Variants in LZTS2 observed in about 807,000 individuals in gnomAD.
LZTS2 encodes leucine zipper tumor suppressor 2, also known as leucine zipper putative tumor suppressor 2.
A neutral mutation model predicts 60.6 loss-of-function variants in LZTS2; 32 were observed. The ratio of observed to expected loss-of-function variants is 0.53; its 90% CI spans 0.40 to 0.71. LZTS2 has a LOEUF of 0.71. LZTS2 is among the 30% of genes least tolerant of loss of function. The probability of loss-of-function intolerance (pLI) is 0.00; values close to 1 mark genes in which losing one functional copy is unlikely to be tolerated. For missense variants in LZTS2, 792 were observed against 901.9 expected, an observed-to-expected ratio of 0.88 and a Z score of 1.56; for synonymous variants, 360 against 393.1, an observed-to-expected ratio of 0.92 and a Z score of 1.00.
At chr10:101,003,742 G>T in exon 2 of LZTS2, 1 of 1,613,010 alleles carries the variant, frequency 6.2e-7, no homozygotes, top group South Asian at 1.1e-5. Context: ...TGCCCATCAG[G>T]GACGCTATCC....
exon 2 of LZTS2, chr10:101,003,771 C>T (rs138176599): frequency 7.4e-6 from 12 of 1,613,024 alleles, no homozygotes; most frequent in Non-Finnish European, 8.5e-6. Flanking sequence ...CCGAAACTCA[C>T]TGTCCAGCCT....
intron 3 of LZTS2, 138 bp downstream of exon 4, chr10:101,005,853 T>C: frequency 8.4e-7 from 1 of 1,193,846 alleles, no homozygotes; most frequent in Non-Finnish European, 1.1e-6. Context: ...GAGGTTCCCC[T>C]CTGTCCCTTT....
chr10:101,005,695 C>T (rs1852162151), exon 3 of LZTS2: 1 of 1,587,440 alleles, frequency 6.3e-7, no homozygotes, highest in Non-Finnish European at 8.6e-7. Context: ...CGGGCCGAGG[C>T]TTGAGGAGAC....
upstream of LZTS2, chr10:100,997,303 T>TC (rs1468905560): frequency 6.6e-6 from 1 of 152,122 alleles, no homozygotes; most frequent in African/African-American, 2.4e-5. Context: ...GAACGAACTT[T>TC]CCGCTTCTAG....
chr10:101,006,651 C>A, exon 4 of LZTS2: 1 of 1,586,456 alleles, frequency 6.3e-7, no homozygotes, highest in Admixed American at 1.8e-5. Context: ...CTACAGGAGG[C>A]CGCCCGAGCT....
upstream of LZTS2, among the ~76,000 whole-genome samples, chr10:100,996,894 C>G (rs1248190441): frequency 2.0e-5 from 3 of 152,224 alleles, no homozygotes; most frequent in Non-Finnish European, 4.4e-5. Context: ...GCCCCCTTCC[C>G]CAGGTCAAAA....
intron 2 of LZTS2, 130 bp downstream of exon 3, chr10:101,004,296 C>T (rs1409057465): frequency 2.0e-6 from 2 of 991,704 alleles, no homozygotes; most frequent in East Asian, 5.4e-5. Flanking sequence ...CTGCCCTCCC[C>T]ACCAGTTGTC....
rs755121889 is a variant in LZTS2 at position 101,003,728 on chromosome 10, T to C, written c.630T>C (p.Ser210=). 1.4e-5 allele frequency: 22 copies of C among 1,612,804 alleles called. No individual in the cohort carries two copies. The Admixed American group carries it at 3.7e-4, about 27-fold the overall frequency. Residue 210 remains serine (S), a synonymous_variant, in exon 2 of 4, where the codon AGT becomes AGC. Transcript: ENST00000370220. ...CCCTGGCATTTAGTGGCTGGGCCAG[T>C]GGCTGCCCATCAGGGACGCTATCCG...
At chr10:101,005,370 G>C in intron 2 of LZTS2, 88 bp from the exon 4 acceptor site, 3 of 1,419,768 alleles carry the variant, frequency 2.1e-6, no homozygotes, top group Non-Finnish European at 2.8e-6. Flanking sequence ...CACCCTTCCT[G>C]AGCCCTCGGA....
chr10:101,006,434 C>A (rs1354173053), intron 3 of LZTS2, 51 bp from the exon 5 acceptor site: 1 of 1,551,002 alleles, frequency 6.4e-7, no homozygotes, highest in Admixed American at 1.9e-5. Flanking sequence ...AGGGCCTGTC[C>A]CCCCAGGAGA....
At chr10:101,003,122 G>A in intron 1 of LZTS2, 176 bp downstream of exon 2, 1 of 793,748 alleles carries the variant, frequency 1.3e-6, no homozygotes, top group Non-Finnish European at 1.9e-6. Context: ...CACTTAACCT[G>A]AGCCTCAGTT....
rs1454463107 is a variant in LZTS2, at chr10:101,004,920, A to G, written c.1069-538A>G. Among the ~76,000 whole-genome samples, 12 of 152,276 alleles carry G rather than the reference A, an allele frequency of 7.9e-5. No homozygotes were observed. The East Asian group carries it at 1.5e-3, about 20-fold the overall frequency. On this transcript the variant is annotated intron_variant, in intron 2 of 3. Coordinates refer to ENST00000370220, the Ensembl canonical transcript of LZTS2. ...ACCATGTTGGCCAAGCTGGTCGCGA[A>G]CCCCTGGCCTCAAGTGATTCACCTG... is the stretch of plus-strand genomic sequence containing the variant.
At chr10:101,007,396 C>T (rs1451284012) in exon 4 of LZTS2, 1 of 1,427,512 alleles carries the variant, frequency 7.0e-7, no homozygotes, top group Middle Eastern at 1.8e-4. Context: ...TACCCAGAGG[C>T]TCTTGTTACT....
exon 2 of LZTS2, chr10:101,003,823 C>A: frequency 4.3e-6 from 7 of 1,613,436 alleles, no homozygotes; most frequent in Non-Finnish European, 5.9e-6. Flanking sequence ...ACCACCAGCT[C>A]CCCAGGCGGG....
chr10:101,006,859 T>A, exon 4 of LZTS2: 6 of 1,535,262 alleles, frequency 3.9e-6, no homozygotes, highest in Non-Finnish European at 5.3e-6. Context: ...CAGCCGGGGT[T>A]GGGGGCAGCT....
In LZTS2 at chr10:101,002,965, T is replaced by A. The variant is rs1376315857; in HGVS notation, c.408+19T>A. 6.3e-7 allele frequency: 1 copy of A among 1,596,872 alleles called. No individual in the cohort carries two copies. The highest frequency in any genetic ancestry group is 2.2e-5 in the East Asian group (1 of 44,684). ...GGAGAAGGTGAGGACCGGCTCTTCC[T>A]TGTGGGCCTGGGTAGAACGGGAGTC... On this transcript the variant is annotated intron_variant, in intron 1 of 3. Coordinates refer to ENST00000370220, the Ensembl canonical transcript of LZTS2.
At chr10:101,005,522 C>T (rs1484269474) in exon 3 of LZTS2, 1 of 1,605,214 alleles carries the variant, frequency 6.2e-7, no homozygotes, top group Non-Finnish European at 8.5e-7. Flanking sequence ...GACTGTGCGG[C>T]CCAGGCACAG....
chr10:101,006,858 T>C (rs768854638), exon 4 of LZTS2: 3 of 1,535,052 alleles, frequency 2.0e-6, no homozygotes, highest in South Asian at 2.5e-5. Flanking sequence ...GCAGCCGGGG[T>C]TGGGGGCAGC....
At chr10:101,006,394 C>G in intron 3 of LZTS2, 91 bp from the exon 5 acceptor site, 1 of 1,470,728 alleles carries the variant, frequency 6.8e-7, no homozygotes, top group Non-Finnish European at 9.0e-7. Context: ...AAGATGGACT[C>G]TTCTCTCCCA....
Sources: allele counts gnomAD v4.1 joint callset (sites outside exome capture counted in the v4.1 genomes callset), GRCh38; gene constraint gnomAD v4.1.1; transcripts MANE v1.5; gene names NCBI Gene and HGNC (gene_info 2026-07-23, HGNC 2026-07-21).